Variants in SLC12A8 observed in about 807,000 individuals in gnomAD.
SLC12A8 encodes cation-chloride cotransporter 9.
Under a neutral mutation model 75.6 loss-of-function variants are expected in SLC12A8, and 69 were observed. The ratio of observed to expected loss-of-function variants is 0.91; its 90% CI spans 0.75 to 1.11. The LOEUF is 1.11. Among genes scored for constraint, SLC12A8 ranks in the 50% most tolerant of loss-of-function variants. The pLI, the probability that SLC12A8 is intolerant of heterozygous loss-of-function variation, is 0.00. For synonymous variants in SLC12A8, 365 were observed against 372.8 expected, an observed-to-expected ratio of 0.98 and a Z score of 0.24; for missense variants, 877 against 896.7, an observed-to-expected ratio of 0.98 and a Z score of 0.28.
chr3:125,168,644 A>G (rs1245953279), intron 5 of SLC12A8, among the ~76,000 whole-genome samples: 1 of 152,210 alleles, frequency 6.6e-6, no homozygotes, highest in Non-Finnish European at 1.5e-5. Flanking sequence ...GTAGGAAGAG[A>G]CCATTTCAAA....
intron 5 of SLC12A8, among the ~76,000 whole-genome samples, chr3:125,140,395 G>T (rs906391698): frequency 2.0e-5 from 3 of 152,136 alleles, no homozygotes; most frequent in East Asian, 1.9e-4. Context: ...CAGAAGCCAG[G>T]CCTCTCTCCA....
At chr3:125,208,233 C>T (rs1330977840) in intron 2 of SLC12A8, among the ~76,000 whole-genome samples, 1 of 152,210 alleles carries the variant, frequency 6.6e-6, no homozygotes, top group Non-Finnish European at 1.5e-5. Flanking sequence ...GCCTAGAAAG[C>T]ACACATCATC....
intron 5 of SLC12A8, among the ~76,000 whole-genome samples, chr3:125,146,137 C>A (rs915997058): frequency 6.6e-6 from 1 of 152,196 alleles, no homozygotes; most frequent in Non-Finnish European, 1.5e-5. Flanking sequence ...GCCCAAAATA[C>A]CTTATTGTAC....
At chr3:125,166,513 G>A (rs1351225336) in intron 5 of SLC12A8, among the ~76,000 whole-genome samples, 4 of 152,142 alleles carry the variant, frequency 2.6e-5, no homozygotes, top group Non-Finnish European at 5.9e-5. Context: ...CCCAAGCCCC[G>A]CTGGGTGGCA....
Position 125,143,058 on chromosome 3 carries a change from C to T in SLC12A8, c.623-7276G>A, listed in dbSNP as rs188960953. ...AAGGGCAGAGAGATGAGGAAACCTT[C>T]ATGGTCTAATTCATTGGCCTGTTTT... On this transcript the variant is annotated intron_variant, in intron 5 of 13. Transcript: ENST00000469902. Among the ~76,000 whole-genome samples the T allele has an allele frequency of 4.0e-3, 615 of 152,338 alleles. 3 individuals are homozygous for T. The highest frequency in any genetic ancestry group is 6.8e-3 in the Non-Finnish European group (460 of 68,030).
At chr3:125,125,629 C>T (rs1362847955) in intron 6 of SLC12A8, among the ~76,000 whole-genome samples, 3 of 152,134 alleles carry the variant, frequency 2.0e-5, no homozygotes, top group Non-Finnish European at 4.4e-5. Context: ...GATACCCTAG[C>T]GATCATCTAC....
intron 5 of SLC12A8, among the ~76,000 whole-genome samples, chr3:125,139,593 C>A (rs770715647): frequency 6.6e-6 from 1 of 152,218 alleles, no homozygotes; most frequent in Non-Finnish European, 1.5e-5. Flanking sequence ...CTTTCCCACA[C>A]CCTGAACCTG....
At chr3:125,135,292 C>T (rs1490759514) in intron 6 of SLC12A8, among the ~76,000 whole-genome samples, 4 of 152,288 alleles carry the variant, frequency 2.6e-5, no homozygotes, top group Non-Finnish European at 4.4e-5. Context: ...GTGGAAAGAG[C>T]GGCTTGTCCT....
At chr3:125,101,019 CAAAAAAAAAA>C (rs59602383) in intron 10 of SLC12A8, among the ~76,000 whole-genome samples, 2 of 86,732 alleles carry the variant, frequency 2.3e-5, no homozygotes, top group Admixed American at 1.4e-4. Context: ...GACTCCGTCT[CAAAAAAAAAA>C]AAAAAAAAAA....
At chr3:125,201,481 G>C (rs565156486) in intron 2 of SLC12A8, among the ~76,000 whole-genome samples, 1 of 152,130 alleles carries the variant, frequency 6.6e-6, no homozygotes, top group African/African-American at 2.4e-5. Flanking sequence ...TATTGTATTA[G>C]AAATGCATCA....
At chr3:125,187,196 A>G (rs1432904691) in intron 4 of SLC12A8, 41 bp downstream of exon 4, 3 of 1,594,768 alleles carry the variant, frequency 1.9e-6, no homozygotes, top group Admixed American at 3.3e-5. Flanking sequence ...AGAAAGTGGC[A>G]GAGGGCCAGG....
At chr3:125,192,266 G>A (rs562684939) in intron 2 of SLC12A8, among the ~76,000 whole-genome samples, 36 of 152,236 alleles carry the variant, frequency 2.4e-4, no homozygotes, top group Non-Finnish European at 4.3e-4. Context: ...AGGCAGGCCG[G>A]GAGGGGGCCC....
chr3:125,140,029 T>G (rs1417369873), intron 5 of SLC12A8, among the ~76,000 whole-genome samples: 1 of 152,030 alleles, frequency 6.6e-6, no homozygotes, highest in Non-Finnish European at 1.5e-5. Context: ...ACCTACAACT[T>G]CCCAAGGCCT....
At chr3:125,190,734 A>G (rs1456100467) in intron 2 of SLC12A8, among the ~76,000 whole-genome samples, 1 of 152,238 alleles carries the variant, frequency 6.6e-6, no homozygotes, top group Non-Finnish European at 1.5e-5. Flanking sequence ...CAAAAGGATC[A>G]CTGTTCTCTT....
intron 6 of SLC12A8, chr3:125,123,612 G>A (rs2945120): frequency 0.13 from 19,149 of 152,130 alleles, 1,533 homozygotes; most frequent in Admixed American, 0.17. Context: ...GGCAGCAGGC[G>A]AGAGAGAGCT....
At chr3:125,195,442 C>A (rs998347518) in intron 2 of SLC12A8, among the ~76,000 whole-genome samples, 2 of 152,152 alleles carry the variant, frequency 1.3e-5, no homozygotes, top group Non-Finnish European at 2.9e-5. Context: ...GTCTGATTTC[C>A]CTGGGTTAGG....
intron 5 of SLC12A8, among the ~76,000 whole-genome samples, chr3:125,150,610 C>T (rs191494099): frequency 1.3e-5 from 2 of 152,150 alleles, no homozygotes; most frequent in South Asian, 2.1e-4. Context: ...CCAAACCAAA[C>T]GCTGAGACAC....
chr3:125,189,670 T>C lies in SLC12A8; in HGVS notation c.198+705A>G, dbSNP rs556969978. On this transcript the variant is annotated intron_variant, in intron 3 of 13. Coordinates refer to ENST00000469902, the MANE Select transcript of SLC12A8 (RefSeq NM_024628.6). ...GTGCTTGGCCCACAGCAGGTGCTCA[T>C]CCATGTTTAGATGGTGACTGGCTTG... Among the ~76,000 whole-genome samples the C allele has an allele frequency of 2.6e-5, 4 of 152,344 alleles. No homozygotes were observed. The South Asian group carries it at 8.3e-4, about 32-fold the overall frequency.
intron 5 of SLC12A8, among the ~76,000 whole-genome samples, chr3:125,170,807 C>T (rs1429844018): frequency 2.6e-5 from 4 of 152,102 alleles, no homozygotes; most frequent in Admixed American, 6.5e-5. Flanking sequence ...CCCAGCTACT[C>T]AGGAGGCTGA....
Sources: gnomAD v4.1 joint callset for allele counts (sites outside exome capture counted in the v4.1 genomes callset) on GRCh38, gnomAD v4.1.1 for gene constraint, MANE v1.5 for transcripts, NCBI Gene and HGNC (gene_info 2026-07-23, HGNC 2026-07-21) for gene names.